The following DPH6 variants were observed in gnomAD, a reference collection of about 807,000 sequenced individuals.
DPH6 encodes the protein diphthamine biosynthesis 6.
DPH6 carries 33 observed loss-of-function variants against 38.2 expected under a neutral mutation model. The observed-to-expected ratio is 0.86, with a 90% CI of 0.65 to 1.15. The LOEUF (loss-of-function observed/expected upper bound fraction) is 1.15, where lower values mean the gene tolerates loss of function less well. DPH6 is among the 50% of genes most tolerant of loss of function. The probability of loss-of-function intolerance (pLI) is 0.00; values close to 1 mark genes in which losing one functional copy is unlikely to be tolerated. For synonymous variants in DPH6, 108 were observed against 103.0 expected (o/e 1.05, Z -0.30); for missense variants, 325 against 320.0 (o/e 1.02, Z -0.12).
intron 3 of DPH6, chr15:35,521,546 TAA>T: frequency 8.2e-7 from 1 of 1,224,156 alleles, no homozygotes; most frequent in Non-Finnish European, 1.0e-6. Context: ...TGAAGAAATC[TAA>T]GAGAAAGTGT....
intron 3 of DPH6, among the ~76,000 whole-genome samples, chr15:35,322,237 T>C (rs570958699): frequency 1.3e-5 from 2 of 152,316 alleles, no homozygotes; most frequent in South Asian, 2.1e-4. Context: ...AGTAAGGGAT[T>C]ATAGACACTA....
chr15:35,200,887 T>C, the DPH6 span, among the ~76,000 whole-genome samples: 1 of 151,302 alleles, frequency 6.6e-6, no homozygotes, highest in Non-Finnish European at 1.5e-5. Context: ...ATTTTTCTAA[T>C]TGTAGAATAT....
chr15:35,267,376 C>CT (rs142328819), intron 3 of DPH6, among the ~76,000 whole-genome samples: 4,013 of 152,286 alleles, frequency 0.026, 79 homozygotes, highest in African/African-American at 0.055. Context: ...GGACTGAGGC[C>CT]TTCTTGGTTC....
At chr15:35,518,955 T>C (rs898800199) in intron 3 of DPH6, 1 of 151,948 alleles carries the variant, frequency 6.6e-6, no homozygotes. Flanking sequence ...TAAGACGTGT[T>C]CAATATTACA....
chr15:35,496,568 ATATAT>A (rs1195001564), intron 3 of DPH6, among the ~76,000 whole-genome samples: 1 of 50,696 alleles, frequency 2.0e-5, no homozygotes, highest in African/African-American at 9.2e-5. Flanking sequence ...AAAAAAAAAA[ATATAT>A]ATATATATAT....
At chr15:35,223,560 C>T (rs552150608) in intron 3 of DPH6, among the ~76,000 whole-genome samples, 2 of 152,202 alleles carry the variant, frequency 1.3e-5, no homozygotes, top group East Asian at 3.9e-4. Flanking sequence ...GTGGTGGACG[C>T]CTGTAGTCCC....
intron 5 of DPH6, among the ~76,000 whole-genome samples, chr15:35,433,299 A>G (rs1288185585): frequency 6.6e-6 from 1 of 152,228 alleles, no homozygotes; most frequent in African/African-American, 2.4e-5. Context: ...AAGTATAGGC[A>G]AGGATACAAA....
intron 8 of DPH6, 91 bp from the exon 9 acceptor site, chr15:35,372,294 T>C: frequency 9.5e-7 from 1 of 1,057,592 alleles, no homozygotes; most frequent in Non-Finnish European, 1.3e-6. Flanking sequence ...AATACTGTTA[T>C]CTGAAATACT....
At chr15:35,196,203 G>T in the DPH6 span, among the ~76,000 whole-genome samples, 1 of 152,170 alleles carries the variant, frequency 6.6e-6, no homozygotes, top group African/African-American at 2.4e-5. Flanking sequence ...TGATAACATT[G>T]TGCTATGCTA....
chr15:35,232,505 C>T (rs1298480139), intron 3 of DPH6, among the ~76,000 whole-genome samples: 2 of 152,088 alleles, frequency 1.3e-5, no homozygotes, highest in East Asian at 1.9e-4. Context: ...CATTTGAACC[C>T]GGGAGGCAGA....
At chr15:35,276,322 T>G (rs1267234762) in intron 3 of DPH6, among the ~76,000 whole-genome samples, 1 of 152,238 alleles carries the variant, frequency 6.6e-6, no homozygotes, top group East Asian at 1.9e-4. Context: ...CATTGTAGAT[T>G]CTGGATATTA....
intron 3 of DPH6, chr15:35,365,720 G>T: frequency 1.1e-6 from 1 of 911,546 alleles, no homozygotes; most frequent in Non-Finnish European, 1.3e-6. Flanking sequence ...TATCATCACG[G>T]TATGGCGTTG....
At chr15:35,493,951 C>A (rs529515092) in intron 3 of DPH6, among the ~76,000 whole-genome samples, 2 of 152,090 alleles carry the variant, frequency 1.3e-5, no homozygotes, top group Non-Finnish European at 2.9e-5. Flanking sequence ...TATCCCAGCA[C>A]GTACAATATA....
At chr15:35,338,219 G>T (rs1454653797) in intron 3 of DPH6, among the ~76,000 whole-genome samples, 1 of 151,694 alleles carries the variant, frequency 6.6e-6, no homozygotes, top group East Asian at 1.9e-4. Context: ...CACAGCAAAA[G>T]AAACTACCAT....
intron 3 of DPH6, among the ~76,000 whole-genome samples, chr15:35,262,304 C>T (rs1003603028): frequency 2.0e-5 from 3 of 152,138 alleles, no homozygotes; most frequent in South Asian, 2.1e-4. Flanking sequence ...GATAAACACA[C>T]TTCATAAAAA....
At chr15:35,365,518 G>GCAA (rs2052650421) in intron 3 of DPH6, among the ~76,000 whole-genome samples, 1 of 151,922 alleles carries the variant, frequency 6.6e-6, no homozygotes, top group Admixed American at 6.6e-5. Context: ...AACAACAACA[G>GCAA]CAACAGTAAA....
intron 3 of DPH6, among the ~76,000 whole-genome samples, chr15:35,353,730 T>G (rs2052535555): frequency 6.6e-6 from 1 of 152,214 alleles, no homozygotes; most frequent in Non-Finnish European, 1.5e-5. Flanking sequence ...TCCAACTTTG[T>G]TCTTTTGGCT....
At chr15:35,486,262 C>T (rs543798920) in intron 3 of DPH6, among the ~76,000 whole-genome samples, 3 of 152,242 alleles carry the variant, frequency 2.0e-5, no homozygotes, top group Admixed American at 1.3e-4. Flanking sequence ...TCCCATGATC[C>T]AATTATCTCC....
rs562914007 is a variant in DPH6 at position 35,536,019 on chromosome 15, A to G, written c.312+2255T>C. On this transcript the variant is annotated intron_variant, in intron 3 of 8. Coordinates refer to ENST00000256538, the MANE Select transcript of DPH6 (RefSeq NM_080650.4). ...GTTGCAAAGCTGTAACCTGTTATAA[A>G]TAAATGTTTATAGTGAAAATAAATC... is the stretch of plus-strand genomic sequence containing the variant. 2.0e-5 allele frequency among the ~76,000 whole-genome samples: 3 copies of G among 152,252 alleles called. No homozygotes were observed. In the East Asian group the frequency reaches 5.8e-4, roughly 29 times the overall value.
Sources: gnomAD v4.1 joint callset for allele counts (sites outside exome capture counted in the v4.1 genomes callset) on GRCh38, gnomAD v4.1.1 for gene constraint, MANE v1.5 for transcripts, NCBI Gene and HGNC (gene_info 2026-07-23, HGNC 2026-07-21) for gene names.